SLC30A7: variants seen among roughly 807,000 people sequenced by gnomAD.
SLC30A7 encodes solute carrier family 30 member 7, also known as zinc transporter 7.
In SLC30A7, 35 loss-of-function variants were observed where a neutral mutation model predicts 46.0. That is an observed-to-expected ratio of 0.76 (90% CI 0.58 to 1.01). SLC30A7 has a LOEUF of 1.01. SLC30A7 is among the 50% of genes least tolerant of loss of function. The pLI is 0.00. For synonymous variants in SLC30A7, 147 were observed against 157.8 expected (o/e 0.93, Z 0.51); for missense variants, 464 against 451.1 (o/e 1.03, Z -0.26).
intron 8 of SLC30A7, among the ~76,000 whole-genome samples, chr1:100,922,606 C>T (rs1653020726): frequency 6.6e-6 from 1 of 152,144 alleles, no homozygotes; most frequent in South Asian, 2.1e-4. Flanking sequence ...TGTCCGTCTT[C>T]CCATCTGGCT....
chr1:100,912,536 T>C (rs1652173755), intron 5 of SLC30A7, among the ~76,000 whole-genome samples: 4 of 152,072 alleles, frequency 2.6e-5, no homozygotes. Flanking sequence ...CAGAAAGTTT[T>C]GTGTGGGCTG....
chr1:100,910,094 A>G (rs934702202), intron 3 of SLC30A7, among the ~76,000 whole-genome samples: 2 of 152,148 alleles, frequency 1.3e-5, no homozygotes, highest in African/African-American at 2.4e-5. Flanking sequence ...AAACTCCAAC[A>G]TAACTTGATA....
In SLC30A7 at chr1:100,896,355, G is replaced by C; in HGVS notation, c.80+13G>C. The C allele has an allele frequency of 6.2e-7, 1 of 1,614,096 alleles. No homozygotes were observed. The highest frequency in any genetic ancestry group is 2.2e-5 in the East Asian group (1 of 44,878). ...CGGGCTGGTTTAGGTGCGGGGTGCT[G>C]TGTTTGCGGGGAGGGGGTGTCCGGC... On this transcript the variant is annotated intron_variant, in intron 1 of 10. Transcript: ENST00000357650.
chr1:100,900,512 CT>C (rs1302130424), intron 2 of SLC30A7, among the ~76,000 whole-genome samples: 1 of 152,152 alleles, frequency 6.6e-6, no homozygotes, highest in Non-Finnish European at 1.5e-5. Context: ...CTTTTTCCTT[CT>C]CAAAAGGCAG....
chr1:100,899,489 A>G (rs1651167090), intron 2 of SLC30A7, among the ~76,000 whole-genome samples: 2 of 152,174 alleles, frequency 1.3e-5, no homozygotes, highest in South Asian at 2.1e-4. Context: ...AAGGTAACAT[A>G]GTGTAACAAT....
intron 8 of SLC30A7, among the ~76,000 whole-genome samples, chr1:100,960,958 T>G (rs1254402835): frequency 1.4e-5 from 2 of 146,910 alleles, no homozygotes; most frequent in Non-Finnish European, 3.0e-5. Context: ...TTTTTTTTTT[T>G]TTTTTTTTTT....
In SLC30A7 at chr1:100,896,116, G is replaced by A; in HGVS notation, c.-147G>A. 1.4e-6 allele frequency: 1 copy of A among 691,378 alleles called. No individual in the cohort carries two copies. The highest frequency in any genetic ancestry group is 2.6e-6 in the Non-Finnish European group (1 of 385,760). 42.8% of individuals were successfully genotyped at this position (691,378 alleles called of 1,614,324 possible). On this transcript the variant is annotated 5_prime_UTR_variant, in exon 1 of 11. Coordinates refer to ENST00000357650, the MANE Select transcript of SLC30A7 (RefSeq NM_133496.5). The stretch of plus-strand genomic sequence containing the variant: ...GAAGTAAGCGAATTCCCGGGTGTGT[G>A]TCTGTGTCTGTCTGTGTCTCGCAGC...
chr1:100,936,567 A>G (rs762196314), intron 8 of SLC30A7, among the ~76,000 whole-genome samples: 80 of 152,252 alleles, frequency 5.3e-4, no homozygotes, highest in African/African-American at 1.7e-3. Context: ...ACTAATGTCT[A>G]CCTTTTCAAA....
intron 8 of SLC30A7, chr1:100,941,452 G>C: frequency 2.3e-6 from 1 of 437,428 alleles, no homozygotes; most frequent in Non-Finnish European, 4.4e-6. Flanking sequence ...TTTCACAATT[G>C]TGGCCATTCA....
rs1399299057 is a variant in SLC30A7, at chr1:100,979,316, G to A, written c.*4459G>A. 1.3e-5 allele frequency: 2 copies of A among 149,218 alleles called. No individual in the cohort carries two copies. Among genetic ancestry groups the A allele is most frequent in the Non-Finnish European group, 3.0e-5 (2 of 67,546 alleles). The allele number at this position is 149,218 out of a possible 1,614,324, so 9.2% of individuals were successfully genotyped here. A position where few individuals can be genotyped will look rare whatever the true frequency, so the allele number is the denominator to read the frequency against. On this transcript the variant is annotated 3_prime_UTR_variant, in exon 11 of 11. Transcript: ENST00000357650. ...AAAAAAAAATAAAAGGAAATTATAT[G>A]TTTTTCTTTGGACATTCATTGGAAG...
intron 10 of SLC30A7, among the ~76,000 whole-genome samples, chr1:100,969,386 G>T (rs1430848618): frequency 6.6e-6 from 1 of 152,028 alleles, no homozygotes; most frequent in Non-Finnish European, 1.5e-5. Flanking sequence ...CCCTTATAGT[G>T]TGAGCTTCTG....
At chr1:100,992,028 G>T in the SLC30A7 span, among the ~76,000 whole-genome samples, 2 of 151,788 alleles carry the variant, frequency 1.3e-5, no homozygotes, top group Non-Finnish European at 2.9e-5. Context: ...AGCCCAGGAG[G>T]TGGAGGCTGC....
chr1:100,910,017 G>A (rs1251192767), intron 3 of SLC30A7, among the ~76,000 whole-genome samples: 1 of 152,068 alleles, frequency 6.6e-6, no homozygotes, highest in African/African-American at 2.4e-5. Flanking sequence ...GGATGTGTTA[G>A]AAGATAGAAA....
At position 100,981,407 on chromosome 1, in the gene SLC30A7, A is replaced by C. The variant is rs1006465703; in HGVS notation, c.*6550A>C. ...CTTCTTAGTATATTTTAAGCACCCT[A>C]CAACACTTTACCTCCCTGCCTTTAG... On this transcript the variant is annotated 3_prime_UTR_variant, in exon 11 of 11. Transcript: ENST00000357650. The C allele has an allele frequency of 2.0e-5, 3 of 152,284 alleles. No individual in the cohort carries two copies. The highest frequency in any genetic ancestry group is 4.4e-5 in the Non-Finnish European group (3 of 67,984). The allele number at this position is 152,284 out of a possible 1,614,324, so 9.4% of individuals were successfully genotyped here. A position where few individuals can be genotyped will look rare whatever the true frequency, so the allele number is the denominator to read the frequency against.
intron 8 of SLC30A7, among the ~76,000 whole-genome samples, chr1:100,959,723 T>C (rs1035127751): frequency 1.3e-5 from 2 of 152,330 alleles, no homozygotes; most frequent in South Asian, 4.1e-4. Context: ...ATCTTGGCAG[T>C]GATGTCTCAT....
At chr1:100,905,324 C>G (rs889212345) in intron 2 of SLC30A7, among the ~76,000 whole-genome samples, 1 of 151,876 alleles carries the variant, frequency 6.6e-6, no homozygotes, top group Non-Finnish European at 1.5e-5. Flanking sequence ...TTCTTCCCCT[C>G]TGGTTTTCAA....
At chr1:100,917,681 T>C (rs1294441706) in intron 6 of SLC30A7, among the ~76,000 whole-genome samples, 1 of 152,214 alleles carries the variant, frequency 6.6e-6, no homozygotes, top group Non-Finnish European at 1.5e-5. Context: ...CTGTTTACCA[T>C]AGTCAAGTTA....
At chr1:100,987,792 G>C in the SLC30A7 span, among the ~76,000 whole-genome samples, 2 of 151,438 alleles carry the variant, frequency 1.3e-5, no homozygotes, top group African/African-American at 4.9e-5. Context: ...ATCATACTCT[G>C]AAGAGTGCTA....
chr1:100,916,897 A>G (rs1652597554), intron 6 of SLC30A7, among the ~76,000 whole-genome samples: 1 of 151,990 alleles, frequency 6.6e-6, no homozygotes, highest in African/African-American at 2.4e-5. Context: ...ACCATTTTAA[A>G]ATCAGGTTAT....
Sources: gnomAD v4.1 joint callset for allele counts (sites outside exome capture counted in the v4.1 genomes callset) on GRCh38, gnomAD v4.1.1 for gene constraint, MANE v1.5 for transcripts, NCBI Gene and HGNC (gene_info 2026-07-23, HGNC 2026-07-21) for gene names.